RALYL: variants seen among roughly 807,000 people sequenced by gnomAD.
The protein encoded by RALYL is RNA-binding Raly-like protein.
In RALYL, 29 loss-of-function variants were observed where a neutral mutation model predicts 35.1. That is an observed-to-expected ratio of 0.83 (90% CI 0.61 to 1.13). The LOEUF (loss-of-function observed/expected upper bound fraction) is 1.13, where lower values mean the gene tolerates loss of function less well. Among genes scored for constraint, RALYL ranks in the 50% most tolerant of loss-of-function variants. RALYL has a pLI of 0.00. For missense variants in RALYL, 359 were observed against 360.4 expected (o/e 1.00, Z 0.03); for synonymous variants, 120 against 127.6 (o/e 0.94, Z 0.40).
intron 1 of RALYL, among the ~76,000 whole-genome samples, chr8:84,334,908 A>T (rs79624581): frequency 6.6e-6 from 1 of 152,172 alleles, no homozygotes; most frequent in Non-Finnish European, 1.5e-5. Context: ...CCTCTTATCC[A>T]TCTCAAGCCT....
Position 84,918,607 on chromosome 8 carries a change from T to C in RALYL, c.859-2287T>C, listed in dbSNP as rs372968930. Among the ~76,000 whole-genome samples, 71 of 152,244 alleles carry C rather than the reference T, an allele frequency of 4.7e-4. No individual in the cohort carries two copies. The South Asian group carries it at 0.014, about 31-fold the overall frequency. On this transcript the variant is annotated intron_variant, in intron 8 of 8. Coordinates refer to ENST00000521268, the MANE Select transcript of RALYL (RefSeq NM_173848.7). ...AAACAATCAGCTCCATAAGTGACTATGTTTCTTAAGAAAAAAGCAATATGA... is the reference window on the plus strand; with the variant it reads ...AAACAATCAGCTCCATAAGTGACTACGTTTCTTAAGAAAAAAGCAATATGA...
chr8:84,560,250 T>C (rs1421859224), intron 2 of RALYL, among the ~76,000 whole-genome samples: 1 of 151,914 alleles, frequency 6.6e-6, no homozygotes, highest in Non-Finnish European at 1.5e-5. Flanking sequence ...AAGGGTAATA[T>C]ACCTTAAATA....
chr8:84,249,941 G>T (rs914675632), intron 1 of RALYL, among the ~76,000 whole-genome samples: 1 of 151,708 alleles, frequency 6.6e-6, no homozygotes, highest in Non-Finnish European at 1.5e-5. Flanking sequence ...ATATAAAAAG[G>T]TGATTTTTTT....
intron 4 of RALYL, among the ~76,000 whole-genome samples, chr8:84,828,208 A>G (rs1201346349): frequency 6.6e-6 from 1 of 152,194 alleles, no homozygotes; most frequent in East Asian, 1.9e-4. Context: ...ACAGCCTATT[A>G]AATGTATATA....
chr8:84,527,027 TAGAA>T (rs2058952971), intron 1 of RALYL, among the ~76,000 whole-genome samples: 1 of 152,166 alleles, frequency 6.6e-6, no homozygotes, highest in Non-Finnish European at 1.5e-5. Context: ...GTTTATGTAA[TAGAA>T]AAGATATTAA....
intron 8 of RALYL, among the ~76,000 whole-genome samples, chr8:84,889,587 G>C (rs184518184): frequency 2.0e-5 from 3 of 152,052 alleles, no homozygotes; most frequent in African/African-American, 2.4e-5. Context: ...TCAAATACTA[G>C]AGCGTTAAAT....
intron 1 of RALYL, among the ~76,000 whole-genome samples, chr8:84,227,983 A>G (rs184162056): frequency 6.6e-6 from 1 of 152,136 alleles, no homozygotes; most frequent in Admixed American, 6.5e-5. Flanking sequence ...CTGACATGGC[A>G]CATACAGAAT....
chr8:84,335,532 G>T (rs1201770142), intron 1 of RALYL, among the ~76,000 whole-genome samples: 1 of 151,838 alleles, frequency 6.6e-6, no homozygotes, highest in African/African-American at 2.4e-5. Context: ...AACTGTGGGG[G>T]ACACAAATCA....
intron 1 of RALYL, among the ~76,000 whole-genome samples, chr8:84,334,021 G>T: frequency 6.6e-6 from 1 of 151,918 alleles, no homozygotes; most frequent in East Asian, 1.9e-4. Context: ...TGGGTAGCTG[G>T]GACTATGGGT....
At chr8:84,347,353 A>G (rs894710256) in intron 1 of RALYL, among the ~76,000 whole-genome samples, 2 of 151,678 alleles carry the variant, frequency 1.3e-5, no homozygotes, top group Non-Finnish European at 2.9e-5. Flanking sequence ...CAGATTTTAT[A>G]CTCTGCTATC....
chr8:84,588,071 A>C (rs1313429668), intron 2 of RALYL, among the ~76,000 whole-genome samples: 1 of 152,074 alleles, frequency 6.6e-6, no homozygotes, highest in Non-Finnish European at 1.5e-5. Flanking sequence ...CATTGACAGA[A>C]CTTTGGGGTT....
intron 2 of RALYL, among the ~76,000 whole-genome samples, chr8:84,739,524 G>A (rs888514931): frequency 6.6e-6 from 1 of 151,746 alleles, no homozygotes; most frequent in Non-Finnish European, 1.5e-5. Flanking sequence ...CAATTGTTGA[G>A]CAGGAAAGAG....
chr8:84,433,263 C>T (rs2047335814), intron 1 of RALYL, among the ~76,000 whole-genome samples: 1 of 152,232 alleles, frequency 6.6e-6, no homozygotes, highest in South Asian at 2.1e-4. Context: ...CACATTCACT[C>T]CAAACTTAGC....
chr8:84,344,613 A>T (rs56400496), intron 1 of RALYL, among the ~76,000 whole-genome samples: 2,781 of 152,168 alleles, frequency 0.018, 51 homozygotes, highest in Non-Finnish European at 0.025. Flanking sequence ...GCAGTGTGGA[A>T]TAATTAAATC....
chr8:84,700,301 T>G (rs999792559), intron 2 of RALYL, among the ~76,000 whole-genome samples: 12 of 152,138 alleles, frequency 7.9e-5, no homozygotes, highest in African/African-American at 2.9e-4. Context: ...GTTTAATACA[T>G]GTAAGTATTA....
In RALYL at chr8:84,820,269, G is replaced by A. The variant is rs539314241; in HGVS notation, c.365+15467G>A. 2.0e-5 allele frequency among the ~76,000 whole-genome samples: 3 copies of A among 152,280 alleles called. No individual in the cohort carries two copies. In the South Asian group the frequency reaches 6.2e-4, roughly 32 times the overall value. On this transcript the variant is annotated intron_variant, in intron 4 of 8. Transcript: ENST00000521268. ...TTATGAGAAACCCTTTAAAATCTAT[G>A]AAGGATTTATGACCACTTCATAACA... is the stretch of plus-strand genomic sequence containing the variant.
chr8:84,246,228 T>G (rs568639314), intron 1 of RALYL, among the ~76,000 whole-genome samples: 1 of 152,224 alleles, frequency 6.6e-6, no homozygotes, highest in East Asian at 1.9e-4. Flanking sequence ...TCTCTTTCCT[T>G]CCCTTTATTA....
At chr8:84,735,375 T>C (rs948605280) in intron 2 of RALYL, among the ~76,000 whole-genome samples, 5 of 151,970 alleles carry the variant, frequency 3.3e-5, no homozygotes, top group Non-Finnish European at 7.4e-5. Flanking sequence ...ACAAAGCAAC[T>C]TAAAGGCAAT....
intron 2 of RALYL, among the ~76,000 whole-genome samples, chr8:84,577,003 C>G (rs1331921138): frequency 4.6e-5 from 7 of 152,198 alleles, no homozygotes; most frequent in Non-Finnish European, 8.8e-5. Context: ...TGACTGTCTT[C>G]TTGTTCACTG....
Sources: allele counts gnomAD v4.1 joint callset (sites outside exome capture counted in the v4.1 genomes callset), GRCh38; gene constraint gnomAD v4.1.1; transcripts MANE v1.5; gene names NCBI Gene and HGNC (gene_info 2026-07-23, HGNC 2026-07-21).